The following JAK2 variants were observed in gnomAD, a reference collection of about 807,000 sequenced individuals.
The protein encoded by JAK2 is Janus kinase 2.
A neutral mutation model predicts 139.3 loss-of-function variants in JAK2; 86 were observed. The observed-to-expected ratio is 0.62, with a 90% CI of 0.52 to 0.74. The LOEUF is 0.74. Among genes scored for constraint, JAK2 ranks in the 30% least tolerant of loss-of-function variants. The pLI is 0.00. For missense variants in JAK2, 1,421 were observed against 1,360.3 expected, an observed-to-expected ratio of 1.04 and a Z score of -0.70; for synonymous variants, 490 against 437.7, an observed-to-expected ratio of 1.12 and a Z score of -1.49.
chr9:5,013,847 A>C (rs1480062865), intron 2 of JAK2, among the ~76,000 whole-genome samples: 1 of 152,166 alleles, frequency 6.6e-6, no homozygotes, highest in East Asian at 1.9e-4. Flanking sequence ...AATTGGGAGG[A>C]ACAGCGGAAA....
chr9:5,085,878 GT>G (rs1305939915), intron 19 of JAK2: 9 of 795,982 alleles, frequency 1.1e-5, no homozygotes, highest in African/African-American at 1.7e-5. Flanking sequence ...AAGTTCTGTT[GT>G]TGATATGAGC....
rs1819925929 is a variant in JAK2, at chr9:4,985,974, CTG to C, written c.-72_-71del. ...GCAGGCAACAGGAACAAGATGTGAA[CTG>C]TTTCTCTTCTGCAGAAAAAGAGGCT... On this transcript the variant is annotated 5_prime_UTR_variant, in exon 2 of 25. Transcript: ENST00000381652. 2.0e-5 allele frequency: 3 copies of C among 152,794 alleles called. No homozygotes were observed. 9.5% of individuals were successfully genotyped at this position (152,794 alleles called of 1,614,324 possible).
intron 23 of JAK2, 69 bp from the exon 24 acceptor site, chr9:5,126,264 G>A: frequency 9.0e-7 from 1 of 1,110,552 alleles, no homozygotes; most frequent in Non-Finnish European, 1.3e-6. Context: ...CCATTGACTG[G>A]AGGAAATTGA....
intron 18 of JAK2, among the ~76,000 whole-genome samples, chr9:5,081,286 A>G (rs1819685776): frequency 6.6e-6 from 1 of 151,144 alleles, no homozygotes; most frequent in South Asian, 2.1e-4. Flanking sequence ...ATTGACTTTT[A>G]AAAAACAATT....
intron 22 of JAK2, chr9:5,109,810 CATT>C (rs1328764183): frequency 2.0e-5 from 3 of 152,170 alleles, no homozygotes; most frequent in Non-Finnish European, 2.9e-5. Flanking sequence ...CAGACCCTAA[CATT>C]AATCAATTTT....
At chr9:5,011,327 G>A (rs1252435938) in intron 2 of JAK2, among the ~76,000 whole-genome samples, 8 of 151,940 alleles carry the variant, frequency 5.3e-5, no homozygotes, top group Non-Finnish European at 8.8e-5. Context: ...CTGGGACTAC[G>A]GGCACAGAGC....
At chr9:5,023,246 G>GA (rs1822551560) in intron 3 of JAK2, among the ~76,000 whole-genome samples, 2 of 152,146 alleles carry the variant, frequency 1.3e-5, no homozygotes, top group Non-Finnish European at 2.9e-5. Flanking sequence ...ATATGAATGA[G>GA]AACTTGTTAT....
chr9:5,027,028 T>A (rs1822824885), intron 3 of JAK2, among the ~76,000 whole-genome samples: 1 of 152,250 alleles, frequency 6.6e-6, no homozygotes, highest in African/African-American at 2.4e-5. Flanking sequence ...ACCTATTAAT[T>A]AAAACAACTC....
intron 8 of JAK2, among the ~76,000 whole-genome samples, chr9:5,059,388 G>A (rs887602948): frequency 6.6e-6 from 1 of 152,154 alleles, no homozygotes; most frequent in South Asian, 2.1e-4. Context: ...GTTGTTACAT[G>A]TGTCAGTTCA....
chr9:5,039,230 T>C (rs1447869008), intron 4 of JAK2, among the ~76,000 whole-genome samples: 1 of 152,128 alleles, frequency 6.6e-6, no homozygotes, highest in Non-Finnish European at 1.5e-5. Context: ...GTCATCCCGC[T>C]GTATCCATGG....
intron 2 of JAK2, among the ~76,000 whole-genome samples, chr9:5,016,724 C>G (rs1822087749): frequency 6.6e-6 from 1 of 152,106 alleles, no homozygotes; most frequent in South Asian, 2.1e-4. Context: ...TCTCCCTGTA[C>G]CTCCTGCCAG....
intron 12 of JAK2, among the ~76,000 whole-genome samples, 194 bp from the exon 13 acceptor site, chr9:5,072,298 G>C (rs535645205): frequency 6.6e-6 from 1 of 152,070 alleles, no homozygotes; most frequent in African/African-American, 2.4e-5. Context: ...ATTAATCCTT[G>C]TTTTCTGTCT....
In JAK2 at chr9:5,117,736, C is replaced by G. The variant is rs528972777; in HGVS notation, c.3060-5268C>G. On this transcript the variant is annotated intron_variant, in intron 22 of 24. Transcript: ENST00000381652. ...ATATGGTAAATACTGGTAGATATAA[C>G]TCACAGAAACAAAAGTTTTTTGGCA... Among the ~76,000 whole-genome samples, 3 of 151,952 alleles carry G rather than the reference C, an allele frequency of 2.0e-5. No individual in the cohort carries two copies. The South Asian group carries it at 6.2e-4, about 32-fold the overall frequency.
In JAK2 at chr9:5,114,258, G is replaced by A. The variant is rs117200717; in HGVS notation, c.3060-8746G>A. On this transcript the variant is annotated intron_variant, in intron 22 of 24. Coordinates refer to ENST00000381652, the MANE Select transcript of JAK2 (RefSeq NM_004972.4). ...CAAGTTGCCCACAATCACCTGTCTG[G>A]TGGTGGACCTGGCACCCAGCAAGGA... The A allele has an allele frequency of 1.5e-3, 818 of 543,014 alleles. 1 individual carries two copies. The highest frequency in any genetic ancestry group is 3.0e-3 in the Middle Eastern group (9 of 2,978). 33.6% of individuals were successfully genotyped at this position (543,014 alleles called of 1,614,324 possible). A position where few individuals can be genotyped will look rare whatever the true frequency, so the allele number is the denominator to read the frequency against.
At chr9:5,094,607 AC>A (rs1820838861) in intron 22 of JAK2, 1 of 152,000 alleles carries the variant, frequency 6.6e-6, no homozygotes, top group Admixed American at 6.6e-5. Flanking sequence ...TACCATCATG[AC>A]CCTTAGCCAT....
chr9:5,085,090 C>T (rs1167177411), intron 19 of JAK2: 2 of 664,966 alleles, frequency 3.0e-6, no homozygotes, highest in Non-Finnish European at 5.7e-6. Context: ...TGCTTCATGG[C>T]AGTACTGCTG....
At chr9:5,035,287 T>A (rs563474862) in intron 4 of JAK2, among the ~76,000 whole-genome samples, 2 of 152,348 alleles carry the variant, frequency 1.3e-5, no homozygotes, top group African/African-American at 4.8e-5. Flanking sequence ...GATTCACAGC[T>A]GAATTCTACC....
chr9:5,052,919 C>T (rs572990069), intron 6 of JAK2, among the ~76,000 whole-genome samples: 1 of 152,080 alleles, frequency 6.6e-6, no homozygotes, highest in Admixed American at 6.6e-5. Context: ...GGGCTGCTTC[C>T]ATGTTTTGGC....
At chr9:5,060,399 A>G (rs1818083489) in intron 8 of JAK2, among the ~76,000 whole-genome samples, 2 of 152,228 alleles carry the variant, frequency 1.3e-5, no homozygotes, top group Non-Finnish European at 2.9e-5. Flanking sequence ...GAATTTCTTT[A>G]GAAATGAGTC....
Sources: gnomAD v4.1 joint callset for allele counts (sites outside exome capture counted in the v4.1 genomes callset) on GRCh38, gnomAD v4.1.1 for gene constraint, MANE v1.5 for transcripts, NCBI Gene and HGNC (gene_info 2026-07-23, HGNC 2026-07-21) for gene names.